The following LRRC4 variants were observed in gnomAD, a reference collection of about 807,000 sequenced individuals.
The protein encoded by LRRC4 is leucine-rich repeat-containing protein 4.
A neutral mutation model predicts 37.9 loss-of-function variants in LRRC4; 11 were observed. That is an observed-to-expected ratio of 0.29 (90% CI 0.18 to 0.48). The LOEUF (loss-of-function observed/expected upper bound fraction) is 0.48. Ranked by LOEUF, LRRC4 falls within the 20% of genes least tolerant of loss-of-function variation. The pLI is 0.99. For synonymous variants in LRRC4, 404 were observed against 346.7 expected, an observed-to-expected ratio of 1.17 and a Z score of -1.84; for missense variants, 717 against 842.1, an observed-to-expected ratio of 0.85 and a Z score of 1.84.
rs908811046 is a variant in LRRC4, at chr7:128,028,577, T to C, written c.*102A>G. 9.2e-7 allele frequency: 1 copy of C among 1,083,968 alleles called. No individual in the cohort carries two copies. The highest frequency in any genetic ancestry group is 1.6e-5 in the South Asian group (1 of 63,148). 67.1% of individuals were successfully genotyped at this position (1,083,968 alleles called of 1,614,324 possible). ...TTTTTTAACCAGCCCATAGACTTAA[T>C]ATATAAGCATATACAAGAAAAAGTC... On this transcript the variant is annotated 3_prime_UTR_variant, in exon 2 of 2. Coordinates refer to ENST00000249363, the MANE Select transcript of LRRC4 (RefSeq NM_022143.5).
chr7:128,028,701 TTG>T lies in LRRC4; in HGVS notation c.1938_1939del (p.Asp646GlufsTer20). ...GAGTCATATTTGAGTTTCCTGTACC[TTG>T]TCCTTGGTATGGGTCTGAATTATAT... is the stretch of plus-strand genomic sequence containing the variant. On this transcript the variant is annotated frameshift_variant, in exon 2 of 2. Transcript: ENST00000249363. LOFTEE classifies it high-confidence loss of function. The T allele has an allele frequency of 6.2e-7, 1 of 1,613,484 alleles. No individual in the cohort carries two copies.
Position 128,030,691 on chromosome 7 carries a change from G to A in LRRC4, c.-51C>T. On this transcript the variant is annotated 5_prime_UTR_variant, in exon 2 of 2. Coordinates refer to ENST00000249363, the MANE Select transcript of LRRC4 (RefSeq NM_022143.5). ...TCGCCTGGGATTTTGGCTCGGAAAG[G>A]AGAACCAGCCCTACCCCGGCTTAAG... 1 of 1,524,030 alleles carries A rather than the reference G, an allele frequency of 6.6e-7. No homozygotes were observed. Among genetic ancestry groups the A allele is most frequent in the South Asian group, 1.3e-5 (1 of 77,212 alleles). The allele number at this position is 1,524,030 out of a possible 1,614,324, so 94.4% of individuals were successfully genotyped here.
Position 128,029,993 on chromosome 7 carries a change from G to C in LRRC4, c.648C>G (p.Pro216=). The change falls in exon 2 of 2, where the codon CCC becomes CCG. Residue 216 remains proline, a synonymous_variant. Coordinates refer to ENST00000249363, the MANE Select transcript of LRRC4 (RefSeq NM_022143.5). The surrounding 1 kb of genome is among the most constrained non-coding windows in gnomAD (Gnocchi z 4.2). ...TCTCCAGCTCCTCCAGCCCCACCAG[G>C]GGGGTGAGATTGGGCATGTCTTTAA... The part of the protein sequence containing the change: ...CNIKDMPNLT[P]LVGLEELEMS... The C allele has an allele frequency of 6.2e-7, 1 of 1,613,204 alleles. No individual in the cohort carries two copies. The highest frequency in any genetic ancestry group is 8.5e-7 in the Non-Finnish European group (1 of 1,180,034).
chr7:128,030,547 A>T lies in LRRC4; in HGVS notation c.94T>A (p.Cys32Ser). The change falls in exon 2 of 2, where the codon TGT (cysteine) becomes AGT (serine). Residue 32 changes from cysteine (C) to serine (S), a missense_variant. Physicochemically the swap from Cys to Ser is moderately radical, Grantham distance 112. This residue lies in a region of LRRC4 where 127 missense variants were observed against 134.8 expected (regional missense o/e 0.94). Transcript: ENST00000249363. The stretch of plus-strand genomic sequence containing the variant: ...GAGGCGGCAGCAGCGATGGCTGCAC[A>T]CAGAATCCACACTTGCGCCGTGAGG... ...VYLTAQVWILCAAIAAAASAG... is the reference protein window; with the variant it reads ...VYLTAQVWILSAAIAAAASAG... 1 of 1,613,340 alleles carries T rather than the reference A, an allele frequency of 6.2e-7. No individual in the cohort carries two copies. The highest frequency in any genetic ancestry group is 8.5e-7 in the Non-Finnish European group (1 of 1,179,742).
At position 128,028,051 on chromosome 7, in the gene LRRC4, CT is replaced by C. The variant is rs1803530421; in HGVS notation, c.*627del. The C allele has an allele frequency of 6.5e-6, 1 of 152,748 alleles. No homozygotes were observed. The highest frequency in any genetic ancestry group is 2.1e-4 in the South Asian group (1 of 4,840). 9.5% of individuals were successfully genotyped at this position (152,748 alleles called of 1,614,324 possible). On this transcript the variant is annotated 3_prime_UTR_variant, in exon 2 of 2. Coordinates refer to ENST00000249363, the MANE Select transcript of LRRC4 (RefSeq NM_022143.5). Reference sequence around the variant, plus strand: ...GTGCACATGGACAAAGACTCAGCCCCTTTAAGGGTTCGTTTGAATTTTGGTG... The same window carrying C: ...GTGCACATGGACAAAGACTCAGCCCCTTAAGGGTTCGTTTGAATTTTGGTG...
Position 128,029,036 on chromosome 7 carries a change from T to C in LRRC4, c.1605A>G (p.Ala535=). 6.2e-7 allele frequency: 1 copy of C among 1,614,020 alleles called. No homozygotes were observed. Among genetic ancestry groups the C allele is most frequent in the Non-Finnish European group, 8.5e-7 (1 of 1,179,986 alleles). The part of the protein sequence containing the change: ...TTKIIIGCFV[A]VTLLAAAMLI... ...ACATGGCGGCAGCTAGCAGAGTCACTGCCACAAAGCAGCCAATGATGATCT... is the reference window on the plus strand; with the variant it reads ...ACATGGCGGCAGCTAGCAGAGTCACCGCCACAAAGCAGCCAATGATGATCT... Residue 535 remains alanine (A), a synonymous_variant, in exon 2 of 2, where the codon GCA becomes GCG. Coordinates refer to ENST00000249363, the MANE Select transcript of LRRC4 (RefSeq NM_022143.5). This position sits in a 1 kb window ranked among gnomAD's most constrained non-coding sequence, Gnocchi z 4.2.
upstream of LRRC4, chr7:128,031,976 G>GGCAGCA (rs980476840): frequency 3.3e-5 from 5 of 151,348 alleles, no homozygotes; most frequent in Non-Finnish European, 5.9e-5. Context: ...GGCTAGCGGC[G>GGCAGCA]GCAGCAGCAG....
rs751799804 is a variant in LRRC4 at position 128,030,395 on chromosome 7, G to A, written c.246C>T (p.Leu82=). 5.6e-6 allele frequency: 9 copies of A among 1,613,948 alleles called. No homozygotes were observed. The East Asian group carries it at 1.8e-4, about 32-fold the overall frequency. The change falls in exon 2 of 2, where the codon CTC becomes CTT. Residue 82 remains leucine (L), a synonymous_variant. Coordinates refer to ENST00000249363, the MANE Select transcript of LRRC4 (RefSeq NM_022143.5). Reference sequence around the variant, plus strand: ...GGATCATCTGGATGTTGTTCTCCATGAGGTTGAGGTACCGGGTGTTCGAGG... The same window carrying A: ...GGATCATCTGGATGTTGTTCTCCATAAGGTTGAGGTACCGGGTGTTCGAGG... ...GIPSNTRYLN[L]MENNIQMIQA...
At position 128,031,241 on chromosome 7, in the gene LRRC4, C is replaced by T. The variant is rs537199340; in HGVS notation, c.-429G>A. ...GCGCTTCCCGGCTTTGTCCTTGGAC[C>T]CTGGCACCGGCTCGCTCCAGCCGCG... On this transcript the variant is annotated 5_prime_UTR_variant, in exon 1 of 2. Coordinates refer to ENST00000249363, the MANE Select transcript of LRRC4 (RefSeq NM_022143.5). Among the ~76,000 whole-genome samples the T allele has an allele frequency of 5.1e-3, 774 of 152,084 alleles. 5 individuals carry two copies. The highest frequency in any genetic ancestry group is 0.018 in the African/African-American group (746 of 41,520).
chr7:128,029,954 G>C lies in LRRC4; in HGVS notation c.687C>G (p.His229Gln). Residue 229 changes from histidine to glutamine, a missense_variant, in exon 2 of 2, where the codon CAC (histidine) becomes CAG (glutamine). His to Gln is a conservative substitution (Grantham distance 24). Transcript: ENST00000249363. The surrounding 1 kb of genome is among the most constrained non-coding windows in gnomAD (Gnocchi z 4.2). ...AGGAGCCAGGCCTGATCTCAGGGAA[G>C]TGGTTCCCTGACATCTCCAGCTCCT... ...GLEELEMSGNHFPEIRPGSFH... is the reference protein window; with the variant it reads ...GLEELEMSGNQFPEIRPGSFH... The C allele has an allele frequency of 6.2e-7, 1 of 1,613,190 alleles. No individual in the cohort carries two copies. Among genetic ancestry groups the C allele is most frequent in the East Asian group, 2.2e-5 (1 of 44,886 alleles).
chr7:128,027,256 CAG>C lies in LRRC4; in HGVS notation c.*1421_*1422del, dbSNP rs941263642. The C allele has an allele frequency of 1.3e-5, 2 of 149,490 alleles. No homozygotes were observed. Among genetic ancestry groups the C allele is most frequent in the African/African-American group, 2.5e-5 (1 of 40,256 alleles). 9.3% of individuals were successfully genotyped at this position (149,490 alleles called of 1,614,324 possible). On this transcript the variant is annotated 3_prime_UTR_variant, in exon 2 of 2. Coordinates refer to ENST00000249363, the MANE Select transcript of LRRC4 (RefSeq NM_022143.5). Reference sequence around the variant, plus strand: ...TACATCATTAGATGGACCAGAATAACAGAGATCTCTGCCTTCCCCACCCACGC... The same window carrying C: ...TACATCATTAGATGGACCAGAATAACAGATCTCTGCCTTCCCCACCCACGC...
chr7:128,028,716 G>C lies in LRRC4; in HGVS notation c.1925C>G (p.Thr642Ser). 1 of 1,613,978 alleles carries C rather than the reference G, an allele frequency of 6.2e-7. No individual in the cohort carries two copies. Among genetic ancestry groups the C allele is most frequent in the South Asian group, 1.1e-5 (1 of 91,062 alleles). The change falls in exon 2 of 2, where the codon ACC (threonine) becomes AGC (serine). Residue 642 changes from threonine (T) to serine (S), a missense_variant. Thr to Ser is a moderately conservative substitution (Grantham distance 58). Transcript: ENST00000249363. ...TTISEPYIIQ[T>S]HTKDKVQETQ... is the part of the protein sequence containing the mutation. ...TTCCTGTACCTTGTCCTTGGTATGG[G>C]TCTGAATTATATAAGGTTCAGAGAT... is the stretch of plus-strand genomic sequence containing the variant.
Position 128,031,296 on chromosome 7 carries a change from TCCGGCGGCCCCGGCCCGC to T in LRRC4, c.-502_-485del, listed in dbSNP as rs1041859317. The stretch of plus-strand genomic sequence containing the variant: ...AAGGCGCTTCATCGCCAAAGTGCGC[TCCGGCGGCCCCGGCCCGC>T]TCTGCGGGCCGCCGCCGGAGGGAGT... On this transcript the variant is annotated 5_prime_UTR_variant, in exon 1 of 2. Coordinates refer to ENST00000249363, the MANE Select transcript of LRRC4 (RefSeq NM_022143.5). Among the ~76,000 whole-genome samples, 3 of 141,864 alleles carry T rather than the reference TCCGGCGGCCCCGGCCCGC, an allele frequency of 2.1e-5. No homozygotes were observed. Among genetic ancestry groups the T allele is most frequent in the African/African-American group, 7.5e-5 (3 of 39,784 alleles). The allele number at this position is 141,864 out of a possible 152,430, so 93.1% of individuals were successfully genotyped here. A position where few individuals can be genotyped will look rare whatever the true frequency, so the allele number is the denominator to read the frequency against.
chr7:128,029,076 A>G lies in LRRC4; in HGVS notation c.1565T>C (p.Val522Ala), dbSNP rs1042651847. The G allele has an allele frequency of 1.2e-6, 2 of 1,613,948 alleles. No individual in the cohort carries two copies. The highest frequency in any genetic ancestry group is 1.7e-4 in the Middle Eastern group (1 of 6,060). ...AATGATGATCTTGGTGGTCTTCATG[A>G]CTTCATCCAGGCTGGTCTGCATCTT... ...TDKMQTSLDEVMKTTKIIIGC... is the reference protein window; with the variant it reads ...TDKMQTSLDEAMKTTKIIIGC... The change falls in exon 2 of 2, where the codon GTC becomes GCC. Residue 522 changes from valine (V) to alanine (A), a missense_variant. By Grantham distance (64) the Val-to-Ala change is moderately conservative. Around this residue, in one of 5 missense-constraint regions of LRRC4, gnomAD observed 19 missense variants for 40.7 expected, o/e 0.47. Transcript: ENST00000249363. The surrounding 1 kb of genome is among the most constrained non-coding windows in gnomAD (Gnocchi z 4.2).
In LRRC4 at chr7:128,030,540, G is replaced by C. The variant is rs749167036; in HGVS notation, c.101C>G (p.Ala34Gly). 2.0e-5 allele frequency: 33 copies of C among 1,613,298 alleles called. No individual in the cohort carries two copies. The highest frequency in any genetic ancestry group is 2.5e-5 in the Non-Finnish European group (30 of 1,179,856). ...LTAQVWILCA[A>G]IAAAASAGPQ... ...CCCGGCTGAGGCGGCAGCAGCGATGGCTGCACACAGAATCCACACTTGCGC... is the reference window on the plus strand; with the variant it reads ...CCCGGCTGAGGCGGCAGCAGCGATGCCTGCACACAGAATCCACACTTGCGC... Residue 34 changes from alanine to glycine, a missense_variant, in exon 2 of 2, where the codon GCC becomes GGC. This residue lies in a region of LRRC4 where 127 missense variants were observed against 134.8 expected (regional missense o/e 0.94). Coordinates refer to ENST00000249363, the MANE Select transcript of LRRC4 (RefSeq NM_022143.5).
At position 128,029,937 on chromosome 7, in the gene LRRC4, G is replaced by A. The variant is rs1281989544; in HGVS notation, c.704C>T (p.Pro235Leu). The A allele has an allele frequency of 1.2e-6, 2 of 1,613,072 alleles. No individual in the cohort carries two copies. Among genetic ancestry groups the A allele is most frequent in the Non-Finnish European group, 1.7e-6 (2 of 1,180,034 alleles). The change falls in exon 2 of 2, where the codon CCT (proline) becomes CTT (leucine). Residue 235 changes from proline (P) to leucine (L), a missense_variant. Around this residue, in one of 5 missense-constraint regions of LRRC4, gnomAD observed 138 missense variants for 261.0 expected, o/e 0.53. Coordinates refer to ENST00000249363, the MANE Select transcript of LRRC4 (RefSeq NM_022143.5). This position sits in a 1 kb window ranked among gnomAD's most constrained non-coding sequence, Gnocchi z 4.2. Reference protein sequence around the residue: ...MSGNHFPEIRPGSFHGLSSLK... With the variant: ...MSGNHFPEIRLGSFHGLSSLK... ...GGAGCTCAGGCCATGGAAGGAGCCA[G>A]GCCTGATCTCAGGGAAGTGGTTCCC... is the stretch of plus-strand genomic sequence containing the variant.
Position 128,027,815 on chromosome 7 carries a change from G to A in LRRC4, c.*864C>T, listed in dbSNP as rs1167378227. 6.6e-6 allele frequency: 1 copy of A among 150,888 alleles called. No homozygotes were observed. The highest frequency in any genetic ancestry group is 1.5e-5 in the Non-Finnish European group (1 of 67,828). 9.3% of individuals were successfully genotyped at this position (150,888 alleles called of 1,614,324 possible). On this transcript the variant is annotated 3_prime_UTR_variant, in exon 2 of 2. Coordinates refer to ENST00000249363, the MANE Select transcript of LRRC4 (RefSeq NM_022143.5). ...CTTTACCCTCCCTTCCCACCCCCCT[G>A]CTGCCGCACCCCTTCAGGGGCCTCC... is the stretch of plus-strand genomic sequence containing the variant.
chr7:128,029,527 G>T lies in LRRC4; in HGVS notation c.1114C>A (p.Leu372Ile). The T allele has an allele frequency of 6.2e-7, 1 of 1,614,082 alleles. No homozygotes were observed. Among genetic ancestry groups the T allele is most frequent in the Non-Finnish European group, 8.5e-7 (1 of 1,180,032 alleles). Residue 372 changes from leucine (L) to isoleucine (I), a missense_variant, in exon 2 of 2, where the codon CTT (leucine) becomes ATT (isoleucine). Leu to Ile is a conservative substitution (Grantham distance 5). Coordinates refer to ENST00000249363, the MANE Select transcript of LRRC4 (RefSeq NM_022143.5). This position sits in a 1 kb window ranked among gnomAD's most constrained non-coding sequence, Gnocchi z 4.2. The stretch of plus-strand genomic sequence containing the variant: ...GACATAGGGGGAGTCCGACACTTAA[G>T]TTCTGCCATCCGACCCTCAGAAATG... The part of the protein sequence containing the change: ...LNISEGRMAE[L>I]KCRTPPMSSV...
intron 1 of LRRC4, 51 bp from the exon 2 acceptor site, chr7:128,030,791 C>G (rs1792567552): frequency 5.0e-6 from 5 of 997,092 alleles, no homozygotes; most frequent in African/African-American, 3.3e-5. Context: ...GCGGATCGGC[C>G]GAAAAAAATC....
Sources: gnomAD v4.1 joint callset for allele counts (sites outside exome capture counted in the v4.1 genomes callset) on GRCh38, gnomAD v4.1.1 for gene constraint, gnomAD v4.1.1 regional missense constraint, Gnocchi (gnomAD v3.1) non-coding constraint, MANE v1.5 for transcripts, NCBI Gene and HGNC (gene_info 2026-07-23, HGNC 2026-07-21) for gene names.